The following CRMP1 variants were observed in gnomAD, a reference collection of about 807,000 sequenced individuals.
CRMP1 encodes collapsin response mediator protein 1.
A neutral mutation model predicts 68.3 loss-of-function variants in CRMP1; 19 were observed. The observed-to-expected ratio is 0.28, with a 90% CI of 0.19 to 0.41. The LOEUF (loss-of-function observed/expected upper bound fraction) is 0.41. CRMP1 is among the 10% of genes least tolerant of loss of function. The probability of loss-of-function intolerance (pLI) is 1.00; values close to 1 mark genes in which losing one functional copy is unlikely to be tolerated. For missense variants in CRMP1, 791 were observed against 967.4 expected, an observed-to-expected ratio of 0.82 and a Z score of 2.42; for synonymous variants, 439 against 399.6, an observed-to-expected ratio of 1.10 and a Z score of -1.18.
chr4:5,831,718 C>T (rs1443011538), intron 11 of CRMP1, among the ~76,000 whole-genome samples: 1 of 152,176 alleles, frequency 6.6e-6, no homozygotes, highest in African/African-American at 2.4e-5. Context: ...TGAGGAGGCC[C>T]TGGTCATATC....
rs71171490 is a variant in CRMP1 at position 5,846,757 on chromosome 4, A to ATTTT, written c.963+2631_963+2634dup. Among the ~76,000 whole-genome samples, 19 of 53,740 alleles carry ATTTT rather than the reference A, an allele frequency of 3.5e-4. 2 individuals are homozygous for ATTTT. The highest frequency in any genetic ancestry group is 1.7e-3 in the African/African-American group (16 of 9,180). 35.3% of individuals were successfully genotyped at this position (53,740 alleles called of 152,430 possible). On this transcript the variant is annotated intron_variant, in intron 6 of 13. Coordinates refer to ENST00000324989, the MANE Select transcript of CRMP1 (RefSeq NM_001014809.3). The stretch of plus-strand genomic sequence containing the variant: ...AGGCACCCGCCACCATGCCCGGCTA[A>ATTTT]TTTTTTTTTTTTTTTTTTTTTTTTT...
At chr4:5,827,441 G>A (rs1310221198) in intron 12 of CRMP1, among the ~76,000 whole-genome samples, 1 of 152,142 alleles carries the variant, frequency 6.6e-6, no homozygotes, top group African/African-American at 2.4e-5. Context: ...TGGAAGCTGG[G>A]GAGAGACCAA....
At chr4:5,828,198 C>T in intron 12 of CRMP1, 1 of 985,414 alleles carries the variant, frequency 1.0e-6, no homozygotes, top group Non-Finnish European at 1.2e-6. Flanking sequence ...TGACGCAGGA[C>T]AGCGCCCAGA....
At position 5,891,217 on chromosome 4, in the gene CRMP1, T is replaced by G; in HGVS notation, c.381+1372A>C. Among the ~76,000 whole-genome samples, 1 of 39,070 alleles carries G rather than the reference T, an allele frequency of 2.6e-5. No homozygotes were observed. Among genetic ancestry groups the G allele is most frequent in the Admixed American group, 2.3e-4 (1 of 4,258 alleles). The allele number at this position is 39,070 out of a possible 152,430, so 25.6% of individuals were successfully genotyped here. On this transcript the variant is annotated intron_variant, in intron 1 of 13. Coordinates refer to ENST00000324989, the MANE Select transcript of CRMP1 (RefSeq NM_001014809.3). The surrounding 1 kb of genome is among the most constrained non-coding windows in gnomAD (Gnocchi z 5.2). Reference sequence around the variant, plus strand: ...ACACACACACACACACACACACCCTTGCTGTTGGACCTCTCCCTCGCGAGG... The same window carrying G: ...ACACACACACACACACACACACCCTGGCTGTTGGACCTCTCCCTCGCGAGG...
At chr4:5,833,526 A>C (rs1209348594) in intron 11 of CRMP1, among the ~76,000 whole-genome samples, 1 of 149,346 alleles carries the variant, frequency 6.7e-6, no homozygotes, top group African/African-American at 2.5e-5. Flanking sequence ...GGCACTTTAT[A>C]ACAGCGTCCA....
chr4:5,869,381 G>A (rs760643537), intron 1 of CRMP1, among the ~76,000 whole-genome samples: 3 of 152,108 alleles, frequency 2.0e-5, no homozygotes, highest in Non-Finnish European at 2.9e-5. Context: ...CCCTTGGGTG[G>A]GGGAGAAAGA....
intron 6 of CRMP1, among the ~76,000 whole-genome samples, chr4:5,844,118 C>T (rs527593913): frequency 2.6e-4 from 39 of 152,170 alleles, no homozygotes; most frequent in Admixed American, 2.0e-4. Context: ...CTCAACTGCG[C>T]GTCTATGGTT....
At chr4:5,863,263 T>C (rs898163844) in intron 2 of CRMP1, among the ~76,000 whole-genome samples, 1 of 152,068 alleles carries the variant, frequency 6.6e-6, no homozygotes, top group Non-Finnish European at 1.5e-5. Flanking sequence ...TAACAAACTC[T>C]CTCTGGTCTC....
At position 5,890,120 on chromosome 4, in the gene CRMP1, G is replaced by A; in HGVS notation, c.381+2469C>T. ...CTGTCAATGACCGGAAATTGCAGAT[G>A]GGGACACTGTCCCTCCCCAACTCCT... On this transcript the variant is annotated intron_variant, in intron 1 of 13. Coordinates refer to ENST00000324989, the MANE Select transcript of CRMP1 (RefSeq NM_001014809.3). This position sits in a 1 kb window ranked among gnomAD's most constrained non-coding sequence, Gnocchi z 5.5. The A allele has an allele frequency of 4.4e-6, 1 of 228,382 alleles. No individual in the cohort carries two copies. Among genetic ancestry groups the A allele is most frequent in the Non-Finnish European group, 8.4e-6 (1 of 118,674 alleles). 14.1% of individuals were successfully genotyped at this position (228,382 alleles called of 1,614,324 possible).
At position 5,843,609 on chromosome 4, in the gene CRMP1, C is replaced by A. The variant is rs1394089919; in HGVS notation, c.964-448G>T. ...CGAAACTGGGAGTCCAGATCCAGAA[C>A]AGCCGTCTCTGTGACTTTGGGCAGG... is the stretch of plus-strand genomic sequence containing the variant. On this transcript the variant is annotated intron_variant, in intron 6 of 13. Transcript: ENST00000324989. The surrounding 1 kb of genome is among the most constrained non-coding windows in gnomAD (Gnocchi z 4.1). Among the ~76,000 whole-genome samples the A allele has an allele frequency of 6.6e-6, 1 of 152,184 alleles. No individual in the cohort carries two copies. Among genetic ancestry groups the A allele is most frequent in the African/African-American group, 2.4e-5 (1 of 41,450 alleles).
chr4:5,893,032 C>T lies in CRMP1; in HGVS notation c.-63G>A. On this transcript the variant is annotated 5_prime_UTR_variant, in exon 1 of 14. Transcript: ENST00000324989. ...GCCCGCCCGCGGCCCTGGGCACCGC[C>T]GTGCGCCGCGCTCCGCGCCTCGGTG... 2 of 1,051,318 alleles carry T rather than the reference C, an allele frequency of 1.9e-6. No homozygotes were observed. The highest frequency in any genetic ancestry group is 2.3e-6 in the Non-Finnish European group (2 of 864,762). 65.1% of individuals were successfully genotyped at this position (1,051,318 alleles called of 1,614,324 possible).
chr4:5,851,299 C>G (rs886251085), intron 5 of CRMP1, 109 bp downstream of exon 5: 1 of 984,716 alleles, frequency 1.0e-6, no homozygotes, highest in South Asian at 1.3e-5. Context: ...AACCAGGACT[C>G]GAATCCCACG....
intron 12 of CRMP1, among the ~76,000 whole-genome samples, chr4:5,827,544 T>G (rs1436264682): frequency 2.0e-5 from 3 of 151,928 alleles, no homozygotes; most frequent in Non-Finnish European, 4.4e-5. Flanking sequence ...TTAGGAAGCA[T>G]ACAAAGAACA....
chr4:5,868,266 T>TCTATATATATATATATATAG (rs1553907494), intron 1 of CRMP1, among the ~76,000 whole-genome samples: 6 of 10,852 alleles, frequency 5.5e-4, no homozygotes, highest in Non-Finnish European at 1.4e-3. Context: ...TATATCTATA[T>TCTATATATATATATATATAG]ATATATATAT....
chr4:5,868,267 A>ATATATATATATC (rs1714151828), intron 1 of CRMP1, among the ~76,000 whole-genome samples: 1 of 16,768 alleles, frequency 6.0e-5, no homozygotes, highest in African/African-American at 1.9e-4. Context: ...ATATCTATAT[A>ATATATATATATC]TATATATATA....
Position 5,892,680 on chromosome 4 carries a change from C to A in CRMP1, c.290G>T (p.Ser97Ile). The change falls in exon 1 of 14, where the codon AGC becomes ATC. Residue 97 changes from serine (S) to isoleucine (I), a missense_variant. Physicochemically the swap from Ser to Ile is moderately radical, Grantham distance 142. Coordinates refer to ENST00000324989, the MANE Select transcript of CRMP1 (RefSeq NM_001014809.3). The surrounding 1 kb of genome is among the most constrained non-coding windows in gnomAD (Gnocchi z 8.6). ...CCGCTCGTCGCGCTCTCCGGGAGAG[C>A]TGACCGCGGAGCCCGAGGGCTCGCT... ...DVSEPSGSAV[S>I]SPGERDERPP... is the part of the protein sequence containing the mutation. The A allele has an allele frequency of 8.2e-7, 1 of 1,217,576 alleles. No homozygotes were observed. The highest frequency in any genetic ancestry group is 3.4e-5 in the South Asian group (1 of 29,024). 75.4% of individuals were successfully genotyped at this position (1,217,576 alleles called of 1,614,324 possible).
At chr4:5,849,287 C>T (rs1022421036) in intron 6 of CRMP1, 105 bp downstream of exon 6, 19 of 898,102 alleles carry the variant, frequency 2.1e-5, no homozygotes, top group African/African-American at 1.2e-4. Context: ...CCTGGCTTGA[C>T]CTTTCATTGT....
rs3911869 is a variant in CRMP1, at chr4:5,858,375, G to C, written c.656-2068C>G. ...AGATGACTCAAAAGCTCCCCCAAAT[G>C]AGAATGTCCAAAACCTCATGCAATA... On this transcript the variant is annotated intron_variant, in intron 3 of 13. Transcript: ENST00000324989. This position sits in a 1 kb window ranked among gnomAD's most constrained non-coding sequence, Gnocchi z 5.5. 0.73 allele frequency among the ~76,000 whole-genome samples: 110,116 copies of C among 151,336 alleles called. 40,345 individuals carry two copies. The highest frequency in any genetic ancestry group is 0.8 in the East Asian group (4,066 of 5,106).
chr4:5,860,412 C>T lies in CRMP1; in HGVS notation c.655+614G>A, dbSNP rs1270089511. 3.3e-5 allele frequency among the ~76,000 whole-genome samples: 5 copies of T among 152,192 alleles called. No individual in the cohort carries two copies. In the East Asian group the frequency reaches 9.6e-4, roughly 29 times the overall value. On this transcript the variant is annotated intron_variant, in intron 3 of 13. Coordinates refer to ENST00000324989, the MANE Select transcript of CRMP1 (RefSeq NM_001014809.3). The surrounding 1 kb of genome is among the most constrained non-coding windows in gnomAD (Gnocchi z 4.2). The stretch of plus-strand genomic sequence containing the variant: ...AGCCCCACTCCCACTCCTGCACACC[C>T]TCAAATGAGAAAAACAAGTGTTGCT...
Sources: gnomAD v4.1 joint callset for allele counts (sites outside exome capture counted in the v4.1 genomes callset) on GRCh38, gnomAD v4.1.1 for gene constraint, Gnocchi (gnomAD v3.1) non-coding constraint, MANE v1.5 for transcripts, NCBI Gene and HGNC (gene_info 2026-07-23, HGNC 2026-07-21) for gene names.